ADGRL3: variants seen among roughly 807,000 people sequenced by gnomAD.
The protein encoded by ADGRL3 is calcium-independent alpha-latrotoxin receptor 3.
Under a neutral mutation model 153.5 loss-of-function variants are expected in ADGRL3, and 62 were observed. The ratio of observed to expected loss-of-function variants is 0.40; its 90% confidence interval spans 0.33 to 0.50. The LOEUF is 0.50. Ranked by LOEUF, ADGRL3 falls within the 20% of genes least tolerant of loss-of-function variation. The pLI, the probability that ADGRL3 is intolerant of heterozygous loss-of-function variation, is 0.47. For synonymous variants in ADGRL3, 710 were observed against 672.5 expected (o/e 1.06, Z -0.86); for missense variants, 1,641 against 1,859.4 (o/e 0.88, Z 2.16).
chr4:61,565,750 C>T (rs2149048416), intron 4 of ADGRL3, among the ~76,000 whole-genome samples: 1 of 152,018 alleles, frequency 6.6e-6, no homozygotes, highest in East Asian at 1.9e-4. Flanking sequence ...GTTGGCCAGG[C>T]TGGTCTTGAA....
intron 19 of ADGRL3, among the ~76,000 whole-genome samples, chr4:61,994,230 C>G (rs1248757016): frequency 2.0e-5 from 3 of 152,184 alleles, no homozygotes; most frequent in Non-Finnish European, 4.4e-5. Context: ...TCACCACAGC[C>G]TGGACCTCTT....
At chr4:61,445,833 C>G (rs1338874679) in intron 2 of ADGRL3, among the ~76,000 whole-genome samples, 1 of 152,112 alleles carries the variant, frequency 6.6e-6, no homozygotes, top group East Asian at 1.9e-4. Flanking sequence ...TATAATGGAG[C>G]TGAAAAAATA....
intron 13 of ADGRL3, among the ~76,000 whole-genome samples, chr4:61,918,781 A>G (rs756062062): frequency 6.6e-6 from 1 of 152,208 alleles, no homozygotes; most frequent in African/African-American, 2.4e-5. Flanking sequence ...CCACATGTCT[A>G]CATTATTACA....
chr4:62,044,075 A>C lies in ADGRL3; in HGVS notation c.3718-378A>C, dbSNP rs1184247786. Among the ~76,000 whole-genome samples, 6 of 152,186 alleles carry C rather than the reference A, an allele frequency of 3.9e-5. No individual in the cohort carries two copies. The East Asian group carries it at 1.2e-3, about 29-fold the overall frequency. On this transcript the variant is annotated intron_variant, in intron 24 of 26. Transcript: ENST00000683033. Reference sequence around the variant, plus strand: ...ATTTAATGCATAGTTAAACATTCCCATTCCAATAAAAGTTATAGTAAAAAT... The same window carrying C: ...ATTTAATGCATAGTTAAACATTCCCCTTCCAATAAAAGTTATAGTAAAAAT...
At chr4:61,487,358 A>G (rs1013774688) in intron 2 of ADGRL3, among the ~76,000 whole-genome samples, 4 of 152,194 alleles carry the variant, frequency 2.6e-5, no homozygotes, top group African/African-American at 9.6e-5. Context: ...TTTATAGGAT[A>G]TACAATAATG....
At chr4:61,323,792 G>A (rs971402165) in intron 1 of ADGRL3, among the ~76,000 whole-genome samples, 3 of 152,108 alleles carry the variant, frequency 2.0e-5, no homozygotes, top group African/African-American at 7.2e-5. Context: ...CTTCCAAACT[G>A]TTCCAGTCTC....
intron 6 of ADGRL3, among the ~76,000 whole-genome samples, chr4:61,689,816 C>A (rs760076020): frequency 6.6e-6 from 1 of 152,018 alleles, no homozygotes; most frequent in South Asian, 2.1e-4. Context: ...AATCAAAAAA[C>A]CAACTTTCTC....
At chr4:62,014,521 ATTAC>A (rs1007639115) in intron 21 of ADGRL3, among the ~76,000 whole-genome samples, 1 of 152,174 alleles carries the variant, frequency 6.6e-6, no homozygotes, top group African/African-American at 2.4e-5. Flanking sequence ...GCCTAAATTC[ATTAC>A]TTACTATATT....
At chr4:61,560,485 G>A (rs1439179600) in intron 4 of ADGRL3, among the ~76,000 whole-genome samples, 1 of 152,052 alleles carries the variant, frequency 6.6e-6, no homozygotes. Flanking sequence ...ATTGTTCTAT[G>A]ATAATTGGGT....
chr4:61,661,495 T>C (rs1291714323), intron 5 of ADGRL3, among the ~76,000 whole-genome samples: 1 of 152,108 alleles, frequency 6.6e-6, no homozygotes, highest in East Asian at 1.9e-4. Context: ...CATATGTGAA[T>C]AATAAAGTCT....
At chr4:61,404,675 C>A (rs925282823) in intron 2 of ADGRL3, among the ~76,000 whole-genome samples, 2 of 151,962 alleles carry the variant, frequency 1.3e-5, no homozygotes, top group South Asian at 4.1e-4. Flanking sequence ...TTATAAAAAT[C>A]TTTATGCTAT....
intron 5 of ADGRL3, among the ~76,000 whole-genome samples, chr4:61,666,950 G>A (rs922166189): frequency 2.6e-5 from 4 of 152,284 alleles, no homozygotes; most frequent in African/African-American, 9.6e-5. Flanking sequence ...ACTAGTGAAA[G>A]ATTACAGCTT....
intron 2 of ADGRL3, among the ~76,000 whole-genome samples, chr4:61,467,436 G>T (rs903026302): frequency 6.6e-6 from 1 of 151,606 alleles, no homozygotes; most frequent in Admixed American, 6.6e-5. Context: ...TTGAATAAAA[G>T]AACAAGTTAA....
chr4:62,023,515 A>G (rs1338799004), intron 21 of ADGRL3, among the ~76,000 whole-genome samples: 2 of 152,286 alleles, frequency 1.3e-5, no homozygotes, highest in South Asian at 4.1e-4. Flanking sequence ...ATGACATACT[A>G]CAGAGAAATC....
At chr4:61,323,886 A>G (rs2095414750) in intron 1 of ADGRL3, among the ~76,000 whole-genome samples, 1 of 152,126 alleles carries the variant, frequency 6.6e-6, no homozygotes, top group Non-Finnish European at 1.5e-5. Flanking sequence ...AATTTACTGT[A>G]TAGTCTGTTT....
chr4:61,970,911 G>A (rs1266813176), intron 17 of ADGRL3, among the ~76,000 whole-genome samples: 3 of 152,010 alleles, frequency 2.0e-5, no homozygotes, highest in African/African-American at 7.2e-5. Flanking sequence ...TTAGATCAAT[G>A]CCAGGAATTT....
intron 8 of ADGRL3, among the ~76,000 whole-genome samples, chr4:61,799,058 T>A (rs2097455522): frequency 7.0e-6 from 1 of 142,956 alleles, no homozygotes; most frequent in African/African-American, 2.6e-5. Context: ...TGTATAGTTA[T>A]ACAGTGGTAG....
At chr4:61,261,937 G>A (rs2092551986) in intron 1 of ADGRL3, among the ~76,000 whole-genome samples, 1 of 152,168 alleles carries the variant, frequency 6.6e-6, no homozygotes, top group Non-Finnish European at 1.5e-5. Context: ...AGTCAACTGA[G>A]TTCAGTAGGG....
intron 9 of ADGRL3, among the ~76,000 whole-genome samples, chr4:61,837,707 C>T (rs2097958029): frequency 6.6e-6 from 1 of 152,080 alleles, no homozygotes; most frequent in Non-Finnish European, 1.5e-5. Context: ...TCTATAGATT[C>T]TCAAAGGTTT....
Sources: gnomAD v4.1 joint callset for allele counts (sites outside exome capture counted in the v4.1 genomes callset) on GRCh38, gnomAD v4.1.1 for gene constraint, MANE v1.5 for transcripts, NCBI Gene and HGNC (gene_info 2026-07-23, HGNC 2026-07-21) for gene names.